The following SPATA31H1 variants were observed in gnomAD, a reference collection of about 807,000 sequenced individuals.
SPATA31H1 encodes the protein SPATA31 subfamily H member 1.
chr2:27,581,092 G>A, the SPATA31H1 span: 1 of 1,614,160 alleles, frequency 6.2e-7, no homozygotes, highest in East Asian at 2.2e-5. Context: ...TCCACACCAG[G>A]AACCAGAGTT....
chr2:27,556,134 CAA>C, the SPATA31H1 span, among the ~76,000 whole-genome samples: 4,575 of 92,760 alleles, frequency 0.049, 177 homozygotes, highest in African/African-American at 0.15. Flanking sequence ...GACTCCATCT[CAA>C]AAAAAAAAAA....
chr2:27,581,734 C>T, the SPATA31H1 span: 1 of 1,613,118 alleles, frequency 6.2e-7, no homozygotes, highest in South Asian at 1.1e-5. Flanking sequence ...CATCGCAGTC[C>T]CGCTCGGAGG....
the SPATA31H1 span, among the ~76,000 whole-genome samples, chr2:27,546,819 A>G: frequency 2.0e-5 from 3 of 152,154 alleles, no homozygotes; most frequent in Admixed American, 2.0e-4. Flanking sequence ...GGCATAAGCC[A>G]CCATGCCTGG....
the SPATA31H1 span, chr2:27,580,868 G>A: frequency 7.4e-6 from 12 of 1,614,110 alleles, no homozygotes; most frequent in Middle Eastern, 1.6e-4. Flanking sequence ...GGGGAGGAAC[G>A]GTCCAGTGCA....
the SPATA31H1 span, among the ~76,000 whole-genome samples, chr2:27,548,287 T>C: frequency 6.6e-6 from 1 of 151,948 alleles, no homozygotes; most frequent in South Asian, 2.1e-4. Context: ...AGTTTCTTAA[T>C]ACCATCAAAT....
the SPATA31H1 span, among the ~76,000 whole-genome samples, chr2:27,564,440 T>C: frequency 1.3e-5 from 2 of 152,196 alleles, no homozygotes; most frequent in Non-Finnish European, 2.9e-5. Context: ...GATGATTTTC[T>C]ACTCATGTTT....
At chr2:27,564,573 T>C in the SPATA31H1 span, among the ~76,000 whole-genome samples, 3 of 152,164 alleles carry the variant, frequency 2.0e-5, no homozygotes, top group Non-Finnish European at 2.9e-5. Flanking sequence ...TCCTAGCACT[T>C]TGGGAGGCCG....
At chr2:27,582,168 G>C in the SPATA31H1 span, 1 of 1,613,940 alleles carries the variant, frequency 6.2e-7, no homozygotes, top group Non-Finnish European at 8.5e-7. Flanking sequence ...CAGTCCCTCT[G>C]AGAGGAGAGG....
the SPATA31H1 span, chr2:27,576,240 G>A: frequency 4.9e-6 from 2 of 412,048 alleles, no homozygotes; most frequent in Non-Finnish European, 4.3e-6. Context: ...TATAAAATCT[G>A]TTGTGTTCAA....
chr2:27,573,385 C>A, the SPATA31H1 span: 4 of 398,322 alleles, frequency 1.0e-5, no homozygotes, highest in East Asian at 3.6e-5. Context: ...GGTGTGAAAT[C>A]TGTGCTAAAA....
At chr2:27,577,119 C>T in the SPATA31H1 span, 2 of 1,613,950 alleles carry the variant, frequency 1.2e-6, no homozygotes, top group African/African-American at 2.7e-5. This position sits in a 1 kb window ranked among gnomAD's most constrained non-coding sequence, Gnocchi z 4.5. Flanking sequence ...GGGGTTGACC[C>T]CAAAGCTAAC....
At chr2:27,566,031 C>T in the SPATA31H1 span, 1 of 717,426 alleles carries the variant, frequency 1.4e-6, no homozygotes, top group East Asian at 2.7e-5. Flanking sequence ...AGATTCTTCA[C>T]CTCTTCTCCC....
chr2:27,551,039 C>T, the SPATA31H1 span, among the ~76,000 whole-genome samples: 2 of 151,696 alleles, frequency 1.3e-5, no homozygotes, highest in Non-Finnish European at 2.9e-5. Flanking sequence ...AAGGCACCTG[C>T]CACCATACTC....
chr2:27,556,757 G>A, the SPATA31H1 span, among the ~76,000 whole-genome samples: 1 of 133,632 alleles, frequency 7.5e-6, no homozygotes, highest in Admixed American at 7.5e-5. Context: ...CTCGCAGAGG[G>A]GGATTTGGCA....
the SPATA31H1 span, among the ~76,000 whole-genome samples, chr2:27,554,963 T>C: frequency 1.4e-4 from 22 of 152,082 alleles, no homozygotes; most frequent in South Asian, 4.1e-3. Flanking sequence ...CATCTACTAA[T>C]ACATTACATT....
chr2:27,550,471 T>A, the SPATA31H1 span, among the ~76,000 whole-genome samples: 773 of 142,720 alleles, frequency 5.4e-3, 6 homozygotes, highest in Non-Finnish European at 8.8e-3. Context: ...CGGGCTGGAG[T>A]GCAGTGGTGC....
chr2:27,581,805 C>A, the SPATA31H1 span: 77 of 1,610,746 alleles, frequency 4.8e-5, no homozygotes, highest in African/African-American at 9.2e-4. Context: ...CCATCACAGT[C>A]CCTCTGAGAG....
At chr2:27,539,642 A>G in the SPATA31H1 span, among the ~76,000 whole-genome samples, 24 of 106,564 alleles carry the variant, frequency 2.3e-4, no homozygotes, top group East Asian at 6.3e-4. Flanking sequence ...CACACCTCCC[A>G]GACGGGGCCG....
chr2:27,582,633 T>C, the SPATA31H1 span: 16 of 1,163,892 alleles, frequency 1.4e-5, no homozygotes, highest in Non-Finnish European at 1.9e-5. Context: ...GCCCCCAGCG[T>C]GGAAAGGCTT....
Sources: allele counts gnomAD v4.1 joint callset (sites outside exome capture counted in the v4.1 genomes callset), GRCh38; gene constraint gnomAD v4.1.1; non-coding constraint Gnocchi (gnomAD v3.1); transcripts MANE v1.5; gene names NCBI Gene and HGNC (gene_info 2026-07-23, HGNC 2026-07-21).